MALRD1: variants seen among roughly 807,000 people sequenced by gnomAD.
MALRD1 encodes the protein MAM and LDL receptor class A domain containing 1, also known as MAM and LDL-receptor class A domain-containing protein 1.
A neutral mutation model predicts 242.1 loss-of-function variants in MALRD1; 247 were observed. That is an observed-to-expected ratio of 1.02 (90% CI 0.92 to 1.13). The LOEUF (loss-of-function observed/expected upper bound fraction) is 1.13. Ranked by LOEUF, MALRD1 falls within the 50% of genes most tolerant of loss-of-function variation. MALRD1 has a pLI of 0.00. For synonymous variants in MALRD1, 995 were observed against 866.6 expected (o/e 1.15, Z -2.60); for missense variants, 2,989 against 2,533.1 (o/e 1.18, Z -3.86).
intron 26 of MALRD1, among the ~76,000 whole-genome samples, chr10:19,379,126 T>C (rs1177011338): frequency 6.6e-6 from 1 of 152,138 alleles, no homozygotes; most frequent in Admixed American, 6.5e-5. Context: ...TTTTAAACTG[T>C]ATACAACATG....
chr10:19,467,025 A>T (rs1463151403), intron 29 of MALRD1, among the ~76,000 whole-genome samples: 1 of 151,996 alleles, frequency 6.6e-6, no homozygotes, highest in African/African-American at 2.4e-5. Flanking sequence ...GTCGCATTGG[A>T]TTACTGCTCC....
At chr10:19,726,281 G>A (rs1027370827) in intron 38 of MALRD1, among the ~76,000 whole-genome samples, 2 of 152,012 alleles carry the variant, frequency 1.3e-5, no homozygotes, top group African/African-American at 4.8e-5. Flanking sequence ...TTCAAAATGG[G>A]CAAAGGACTA....
intron 31 of MALRD1, among the ~76,000 whole-genome samples, chr10:19,513,583 C>A (rs1257293706): frequency 6.6e-6 from 1 of 151,674 alleles, no homozygotes; most frequent in Admixed American, 6.6e-5. Flanking sequence ...ACTAAAAATA[C>A]AAAAAATTAG....
intron 36 of MALRD1, among the ~76,000 whole-genome samples, chr10:19,675,026 A>G (rs999863988): frequency 7.2e-5 from 11 of 152,248 alleles, no homozygotes; most frequent in Admixed American, 2.6e-4. Context: ...ACCTGTTTGA[A>G]CAAAGAGGGA....
chr10:19,700,059 C>G (rs929503670), intron 38 of MALRD1, among the ~76,000 whole-genome samples: 10 of 150,236 alleles, frequency 6.7e-5, no homozygotes, highest in Middle Eastern at 3.2e-3. Flanking sequence ...CACACACACA[C>G]ACGAAATCAT....
intron 13 of MALRD1, among the ~76,000 whole-genome samples, chr10:19,171,166 T>C (rs1052451427): frequency 4.0e-5 from 6 of 151,838 alleles, no homozygotes; most frequent in Non-Finnish European, 7.4e-5. Context: ...ATTATTTTTT[T>C]CATAGAAGGA....
chr10:19,333,652 G>T (rs1843485101), intron 24 of MALRD1, among the ~76,000 whole-genome samples: 1 of 152,032 alleles, frequency 6.6e-6, no homozygotes. Flanking sequence ...TTTTCCTTTG[G>T]TTATATATCC....
At chr10:19,162,801 C>G (rs924864146) in intron 12 of MALRD1, among the ~76,000 whole-genome samples, 1 of 152,040 alleles carries the variant, frequency 6.6e-6, no homozygotes, top group Non-Finnish European at 1.5e-5. Flanking sequence ...ACCCAGCAAT[C>G]CCATTACTTG....
At chr10:19,721,108 C>G (rs56840611) in intron 38 of MALRD1, among the ~76,000 whole-genome samples, 5,976 of 151,860 alleles carry the variant, frequency 0.039, 372 homozygotes, top group African/African-American at 0.13. Context: ...GGTTAAGAAA[C>G]AAACATTTCT....
At chr10:19,560,624 A>G (rs1835920813) in intron 32 of MALRD1, among the ~76,000 whole-genome samples, 1 of 152,236 alleles carries the variant, frequency 6.6e-6, no homozygotes, top group Admixed American at 6.5e-5. Flanking sequence ...ATAGAATACT[A>G]TGTAGCCATA....
intron 35 of MALRD1, among the ~76,000 whole-genome samples, chr10:19,610,486 A>T (rs929272786): frequency 2.0e-5 from 3 of 151,982 alleles, no homozygotes; most frequent in African/African-American, 7.2e-5. Context: ...TTCAAGATAA[A>T]GAGAATAATC....
intron 21 of MALRD1, among the ~76,000 whole-genome samples, chr10:19,304,283 C>A (rs1842074110): frequency 6.6e-6 from 1 of 151,636 alleles, no homozygotes. Context: ...TGGAACTTCT[C>A]AGCCTCCATA....
At position 19,074,821 on chromosome 10, in the gene MALRD1, G is replaced by T. The variant is rs532935044; in HGVS notation, c.340+7962G>T. On this transcript the variant is annotated intron_variant, in intron 2 of 39. Transcript: ENST00000454679. ...TTGATTATTTGTTAAATTTATAGAT[G>T]GATATATTCTTCAAATTAATTTAGA... Among the ~76,000 whole-genome samples, 43 of 151,798 alleles carry T rather than the reference G, an allele frequency of 2.8e-4. No homozygotes were observed. In the South Asian group the frequency reaches 9.0e-3, roughly 32 times the overall value.
At chr10:19,716,799 C>T (rs535379258) in intron 38 of MALRD1, 1 of 152,192 alleles carries the variant, frequency 6.6e-6, no homozygotes, top group South Asian at 2.1e-4. Context: ...GATCACTTAC[C>T]TATGTGTGAT....
intron 5 of MALRD1, among the ~76,000 whole-genome samples, chr10:19,106,779 C>T (rs902264416): frequency 6.6e-6 from 1 of 151,802 alleles, no homozygotes; most frequent in African/African-American, 2.4e-5. Context: ...GTATAAACTC[C>T]TCTCTTAGAA....
Position 19,534,786 on chromosome 10 carries a change from ATTAC to A in MALRD1, c.5478+3441_5478+3444del, listed in dbSNP as rs570613578. Among the ~76,000 whole-genome samples, 196 of 152,242 alleles carry A rather than the reference ATTAC, an allele frequency of 1.3e-3. 2 individuals are homozygous for A. Among genetic ancestry groups the A allele is most frequent in the East Asian group, 3.5e-3 (18 of 5,180 alleles). On this transcript the variant is annotated intron_variant, in intron 32 of 39. Transcript: ENST00000454679. ...CAATTAAAAAATTTATAATTTTTAT[ATTAC>A]TTACTAAAATATTTTATATCTAGAA...
At chr10:19,102,145 T>C (rs1481156578) in intron 4 of MALRD1, among the ~76,000 whole-genome samples, 6 of 145,822 alleles carry the variant, frequency 4.1e-5, no homozygotes, top group Non-Finnish European at 9.0e-5. Context: ...ATTATATAAC[T>C]ATGTATATGA....
At chr10:19,358,228 G>GTGTGTA (rs1460916701) in intron 26 of MALRD1, among the ~76,000 whole-genome samples, 37 of 151,710 alleles carry the variant, frequency 2.4e-4, no homozygotes, top group Non-Finnish European at 4.6e-4. Context: ...GTGTGTGTGT[G>GTGTGTA]TGTATGAGTT....
chr10:19,455,145 C>G (rs1769172357), intron 29 of MALRD1, among the ~76,000 whole-genome samples: 1 of 152,060 alleles, frequency 6.6e-6, no homozygotes, highest in African/African-American at 2.4e-5. Flanking sequence ...TTTGATGTCT[C>G]TCCTTTTTAT....
Sources: allele counts gnomAD v4.1 joint callset (sites outside exome capture counted in the v4.1 genomes callset), GRCh38; gene constraint gnomAD v4.1.1; transcripts MANE v1.5; gene names NCBI Gene and HGNC (gene_info 2026-07-23, HGNC 2026-07-21).